ZNF609: variants seen among roughly 807,000 people sequenced by gnomAD.
ZNF609 encodes the protein zinc finger protein 609.
A neutral mutation model predicts 109.5 loss-of-function variants in ZNF609; 11 were observed. The observed-to-expected ratio is 0.10, with a 90% CI of 0.06 to 0.17. The LOEUF is 0.17. Ranked by LOEUF, ZNF609 falls within the 10% of genes least tolerant of loss-of-function variation. The pLI, the probability that ZNF609 is intolerant of heterozygous loss-of-function variation, is 1.00. For synonymous variants in ZNF609, 646 were observed against 662.0 expected (o/e 0.98, Z 0.37); for missense variants, 1,559 against 1,772.4 (o/e 0.88, Z 2.16).
At chr15:64,478,273 G>A (rs1409670723) in intron 1 of ZNF609, among the ~76,000 whole-genome samples, 3 of 151,450 alleles carry the variant, frequency 2.0e-5, no homozygotes, top group Non-Finnish European at 2.9e-5. Context: ...GATCATAAGT[G>A]TGCCATGGCC....
chr15:64,648,199 G>A (rs1896362942), intron 3 of ZNF609, among the ~76,000 whole-genome samples: 2 of 152,134 alleles, frequency 1.3e-5, no homozygotes, highest in South Asian at 2.1e-4. Flanking sequence ...TTAAAAATAC[G>A]TATAAGGCCA....
chr15:64,637,915 G>C (rs1896198034), intron 3 of ZNF609, among the ~76,000 whole-genome samples: 1 of 145,588 alleles, frequency 6.9e-6, no homozygotes, highest in Non-Finnish European at 1.5e-5. Context: ...TATTGTTAGT[G>C]CTTTCTGTGC....
At chr15:64,606,169 A>C (rs1895595848) in intron 2 of ZNF609, among the ~76,000 whole-genome samples, 1 of 151,158 alleles carries the variant, frequency 6.6e-6, no homozygotes, top group South Asian at 2.2e-4. Context: ...GCTGGAGTGC[A>C]GTGGCACAGT....
intron 2 of ZNF609, among the ~76,000 whole-genome samples, chr15:64,581,996 G>A (rs1286587551): frequency 6.6e-6 from 1 of 151,812 alleles, no homozygotes; most frequent in African/African-American, 2.4e-5. Context: ...CTTAATTCTT[G>A]GTAAATTCTA....
intron 2 of ZNF609, among the ~76,000 whole-genome samples, chr15:64,537,041 G>A (rs1894161032): frequency 6.6e-6 from 1 of 151,662 alleles, no homozygotes; most frequent in Admixed American, 6.6e-5. Flanking sequence ...TGGCCAACAT[G>A]GCGAAACCCC....
At chr15:64,579,738 G>T (rs949492558) in intron 2 of ZNF609, among the ~76,000 whole-genome samples, 3 of 151,806 alleles carry the variant, frequency 2.0e-5, no homozygotes, top group Admixed American at 1.3e-4. Context: ...TTTTTGTATA[G>T]CTCTGTTCCC....
At chr15:64,609,064 T>TTTTTTTTCTTTC (rs1555422615) in intron 2 of ZNF609, among the ~76,000 whole-genome samples, 1 of 119,032 alleles carries the variant, frequency 8.4e-6, no homozygotes, top group African/African-American at 3.3e-5. Context: ...TAGTTTTAAT[T>TTTTTTTTCTTTC]TTTCTTTCTT....
chr15:64,602,130 C>T (rs1182449466), intron 2 of ZNF609, among the ~76,000 whole-genome samples: 1 of 152,170 alleles, frequency 6.6e-6, no homozygotes, highest in African/African-American at 2.4e-5. Flanking sequence ...TCATGCTTTC[C>T]TTTACCCAGT....
intron 2 of ZNF609, among the ~76,000 whole-genome samples, chr15:64,548,960 A>G (rs1217184279): frequency 6.6e-6 from 1 of 152,214 alleles, no homozygotes; most frequent in African/African-American, 2.4e-5. Context: ...AAAGATGGGT[A>G]TATGGATATA....
chr15:64,565,668 A>G (rs1894763675), intron 2 of ZNF609, among the ~76,000 whole-genome samples: 1 of 152,160 alleles, frequency 6.6e-6, no homozygotes. Flanking sequence ...TCTCTTTAAG[A>G]TAAGGGAGTT....
At chr15:64,671,814 A>G (rs1238064122) in intron 4 of ZNF609, among the ~76,000 whole-genome samples, 1 of 152,122 alleles carries the variant, frequency 6.6e-6, no homozygotes, top group Non-Finnish European at 1.5e-5. Flanking sequence ...TCTTTTAGGA[A>G]AAGTATCTTA....
At position 64,499,760 on chromosome 15, in the gene ZNF609, G is replaced by A. The variant is rs554516374; in HGVS notation, c.341G>A (p.Gly114Glu). 3 of 1,613,918 alleles carry A rather than the reference G, an allele frequency of 1.9e-6. No homozygotes were observed. The African/African-American group carries it at 4.0e-5, about 22-fold the overall frequency. Residue 114 changes from glycine to glutamate, a missense_variant, in exon 2 of 10, where the codon GGG becomes GAG. Transcript: ENST00000326648. ...ACTTCCCTGTTCACTCCAAGTGAGG[G>A]GGCAGCTAGCAAGAAAGAGGTGCAG... ...PGTSLFTPSEGAASKKEVQGR... is the reference protein window; with the variant it reads ...PGTSLFTPSEEAASKKEVQGR...
At chr15:64,598,290 A>G (rs1895431668) in intron 2 of ZNF609, among the ~76,000 whole-genome samples, 1 of 151,906 alleles carries the variant, frequency 6.6e-6, no homozygotes, top group Non-Finnish European at 1.5e-5. Flanking sequence ...AATTTTTTGT[A>G]TTTTTGATAG....
At chr15:64,667,507 G>C (rs1049923145) in intron 3 of ZNF609, among the ~76,000 whole-genome samples, 1 of 151,958 alleles carries the variant, frequency 6.6e-6, no homozygotes. Context: ...TCGGGAGTTC[G>C]AGACCGGCCT....
At chr15:64,679,631 C>T (rs907626852) in intron 6 of ZNF609, among the ~76,000 whole-genome samples, 5 of 152,200 alleles carry the variant, frequency 3.3e-5, no homozygotes, top group African/African-American at 7.2e-5. Flanking sequence ...ATCCCTGTCA[C>T]TCACACCCAT....
chr15:64,514,734 A>G (rs761271503), intron 2 of ZNF609, among the ~76,000 whole-genome samples: 1 of 150,970 alleles, frequency 6.6e-6, no homozygotes, highest in Non-Finnish European at 1.5e-5. Flanking sequence ...TGCCTCCCCG[A>G]TTCAAGCAAT....
chr15:64,563,814 C>CAT (rs1332852637), intron 2 of ZNF609, among the ~76,000 whole-genome samples: 3 of 150,888 alleles, frequency 2.0e-5, no homozygotes, highest in African/African-American at 7.3e-5. Context: ...CAAAAAAACC[C>CAT]ATATATATAT....
At chr15:64,542,087 C>T (rs530188291) in intron 2 of ZNF609, among the ~76,000 whole-genome samples, 15 of 152,070 alleles carry the variant, frequency 9.9e-5, no homozygotes, top group African/African-American at 3.4e-4. Context: ...AGTTTGAGAC[C>T]AGTCTGGGCA....
chr15:64,660,844 T>G (rs1896564879), intron 3 of ZNF609, among the ~76,000 whole-genome samples: 1 of 152,228 alleles, frequency 6.6e-6, no homozygotes. Flanking sequence ...TGTCATCTTC[T>G]TGAGAAGGCT....
Sources: allele counts gnomAD v4.1 joint callset (sites outside exome capture counted in the v4.1 genomes callset), GRCh38; gene constraint gnomAD v4.1.1; transcripts MANE v1.5; gene names NCBI Gene and HGNC (gene_info 2026-07-23, HGNC 2026-07-21).